MAP4: variants seen among roughly 807,000 people sequenced by gnomAD.
The protein encoded by MAP4 is microtubule-associated protein 4.
In MAP4, 76 loss-of-function variants were observed where a neutral mutation model predicts 170.2. The observed-to-expected ratio is 0.45, with a 90% CI of 0.37 to 0.54. MAP4 has a LOEUF of 0.54. MAP4 is among the 20% of genes least tolerant of loss of function. MAP4 has a pLI of 0.00. For synonymous variants in MAP4, 909 were observed against 994.5 expected, an observed-to-expected ratio of 0.91 and a Z score of 1.62; for missense variants, 2,506 against 2,748.0, an observed-to-expected ratio of 0.91 and a Z score of 1.97.
chr3:47,982,577 C>G (rs1285251389), intron 2 of MAP4, among the ~76,000 whole-genome samples: 1 of 152,032 alleles, frequency 6.6e-6, no homozygotes, highest in African/African-American at 2.4e-5. Context: ...TAAACTTTTG[C>G]TACAAAATTT....
chr3:47,898,916 C>T (rs2100028522), intron 10 of MAP4, among the ~76,000 whole-genome samples: 1 of 152,122 alleles, frequency 6.6e-6, no homozygotes, highest in African/African-American at 2.4e-5. Context: ...ACTATGATCA[C>T]GCCACTGCAC....
At position 47,909,460 on chromosome 3, in the gene MAP4, T is replaced by C; in HGVS notation, c.4961A>G (p.Lys1654Arg). The C allele has an allele frequency of 6.2e-7, 1 of 1,613,936 alleles. No homozygotes were observed. The highest frequency in any genetic ancestry group is 8.5e-7 in the Non-Finnish European group (1 of 1,179,862). ...AGACAAAAGAGTCAGATCTACCTTC[T>C]TATTCAAACTATCTGAACCTTTGGA... ...RNSKGSDSLN[K>R]KVDLTLLSPK... Residue 1654 changes from lysine to arginine, a missense_variant, in exon 9 of 21, where the codon AAG becomes AGG. Lys to Arg is a conservative substitution (Grantham distance 26, BLOSUM62 2). Transcript: ENST00000683076.
chr3:47,889,965 T>G (rs2098282966), intron 10 of MAP4, among the ~76,000 whole-genome samples: 1 of 151,448 alleles, frequency 6.6e-6, no homozygotes, highest in South Asian at 2.1e-4. Flanking sequence ...CATCTGTATG[T>G]CTTCTACTTA....
At chr3:47,975,438 C>T (rs1339175619) in intron 3 of MAP4, 1 of 1,568,006 alleles carries the variant, frequency 6.4e-7, no homozygotes, top group Non-Finnish European at 8.7e-7. Context: ...GTTGCAGCAG[C>T]CCCAGTGTTG....
At chr3:47,876,778 A>G (rs2095518627) in intron 11 of MAP4, 1 of 152,212 alleles carries the variant, frequency 6.6e-6, no homozygotes, top group African/African-American at 2.4e-5. Flanking sequence ...TGGATATTTC[A>G]GAATCTTTTT....
At chr3:47,923,017 T>C (rs2153712901) in intron 4 of MAP4, among the ~76,000 whole-genome samples, 1 of 151,782 alleles carries the variant, frequency 6.6e-6, no homozygotes, top group East Asian at 1.9e-4. Flanking sequence ...GCCACTGCAC[T>C]CCAGCCTGGG....
At chr3:47,897,938 T>C (rs2100027835) in intron 10 of MAP4, among the ~76,000 whole-genome samples, 1 of 133,834 alleles carries the variant, frequency 7.5e-6, no homozygotes, top group Admixed American at 7.2e-5. Flanking sequence ...TGAGACTCCA[T>C]ATCGGGGGGG....
intron 10 of MAP4, chr3:47,892,717 CCTG>C (rs1380703679): frequency 2.2e-6 from 3 of 1,354,092 alleles, no homozygotes; most frequent in Non-Finnish European, 2.8e-6. Flanking sequence ...AAGGAAGGAA[CCTG>C]CTGCTTTCTG....
chr3:48,017,197 C>T (rs1007087823), upstream of MAP4, among the ~76,000 whole-genome samples: 9 of 152,108 alleles, frequency 5.9e-5, no homozygotes, highest in East Asian at 1.9e-4. Context: ...GACAAAGGAT[C>T]GGCGAAAAGA....
intron 1 of MAP4, among the ~76,000 whole-genome samples, chr3:48,083,808 C>A (rs1042241696): frequency 6.6e-6 from 1 of 151,408 alleles, no homozygotes; most frequent in African/African-American, 2.4e-5. Context: ...CTCCCTGCAA[C>A]CTGTGCCTCC....
At chr3:47,929,048 GTTA>G (rs1244154004) in intron 3 of MAP4, among the ~76,000 whole-genome samples, 1 of 152,180 alleles carries the variant, frequency 6.6e-6, no homozygotes, top group African/African-American at 2.4e-5. Context: ...GATTTCAAAA[GTTA>G]TTATAAATGT....
At chr3:48,008,901 T>C (rs1482264368) in intron 1 of MAP4, among the ~76,000 whole-genome samples, 1 of 152,152 alleles carries the variant, frequency 6.6e-6, no homozygotes. Context: ...CACCAAGCCC[T>C]CAGTATGTCA....
At chr3:47,923,968 A>G (rs1280360625) in intron 4 of MAP4, among the ~76,000 whole-genome samples, 1 of 152,152 alleles carries the variant, frequency 6.6e-6, no homozygotes, top group Admixed American at 6.6e-5. Flanking sequence ...CCCTTGAGGG[A>G]AAAAAGGATT....
At chr3:48,008,960 T>C (rs1448928124) in intron 1 of MAP4, among the ~76,000 whole-genome samples, 1 of 152,218 alleles carries the variant, frequency 6.6e-6, no homozygotes, top group East Asian at 1.9e-4. Context: ...TTGATTATAT[T>C]GGACCTCTTC....
rs1245427840 is a variant in MAP4, at chr3:47,941,749, TGC to T, written c.293-13401_293-13400del. ...TTGCAATGAGCTGAGATCGTGCCAT[TGC>T]ACTCCAGCCTGGGCAACAGGGCAAG... On this transcript the variant is annotated intron_variant, in intron 3 of 20. Coordinates refer to ENST00000683076, the MANE Select transcript of MAP4 (RefSeq NM_001385682.1). Among the ~76,000 whole-genome samples, 643 of 146,954 alleles carry T rather than the reference TGC, an allele frequency of 4.4e-3. 5 individuals are homozygous for T. The highest frequency in any genetic ancestry group is 0.032 in the South Asian group (148 of 4,676).
chr3:47,913,770 G>A (rs1017679128), intron 8 of MAP4, among the ~76,000 whole-genome samples: 3 of 152,098 alleles, frequency 2.0e-5, no homozygotes, highest in Admixed American at 2.0e-4. Context: ...GAGATTCTAA[G>A]TGAAATAAGT....
intron 1 of MAP4, among the ~76,000 whole-genome samples, chr3:48,034,221 G>C (rs2100117619): frequency 6.6e-6 from 1 of 152,108 alleles, no homozygotes; most frequent in African/African-American, 2.4e-5. Context: ...CAAATGCTTA[G>C]AGGACATTTC....
Position 48,012,357 on chromosome 3 carries a change from C to T in MAP4, c.-20+3977G>A, listed in dbSNP as rs747399955. Among the ~76,000 whole-genome samples, 18 of 152,262 alleles carry T rather than the reference C, an allele frequency of 1.2e-4. 1 individual carries two copies. Among genetic ancestry groups the T allele is most frequent in the South Asian group, 1.0e-3 (5 of 4,822 alleles). ...ATTCTTCCGCTCCTGAGATAAGAAC[C>T]TGGACCTAGTTGAGCTAAGGAGCAA... is the stretch of plus-strand genomic sequence containing the variant. On this transcript the variant is annotated intron_variant, in intron 1 of 20. Coordinates refer to ENST00000683076, the MANE Select transcript of MAP4 (RefSeq NM_001385682.1).
At chr3:47,875,061 C>G (rs2094850164) in intron 12 of MAP4, among the ~76,000 whole-genome samples, 1 of 152,144 alleles carries the variant, frequency 6.6e-6, no homozygotes, top group African/African-American at 2.4e-5. Context: ...CCGTGGGTGA[C>G]CTGGAAAACT....
Sources: allele counts gnomAD v4.1 joint callset (sites outside exome capture counted in the v4.1 genomes callset), GRCh38; gene constraint gnomAD v4.1.1; transcripts MANE v1.5; gene names NCBI Gene and HGNC (gene_info 2026-07-23, HGNC 2026-07-21).